The following PARL variants were observed in gnomAD, a reference collection of about 807,000 sequenced individuals.
PARL encodes the protein presenilin associated rhomboid like.
A neutral mutation model predicts 51.6 loss-of-function variants in PARL; 44 were observed. The ratio of observed to expected loss-of-function variants is 0.85; its 90% CI spans 0.67 to 1.10. The LOEUF (loss-of-function observed/expected upper bound fraction) is 1.10. Ranked by LOEUF, PARL falls within the 50% of genes least tolerant of loss-of-function variation. The pLI, the probability that PARL is intolerant of heterozygous loss-of-function variation, is 0.00. For synonymous variants in PARL, 172 were observed against 164.0 expected (o/e 1.05, Z -0.37); for missense variants, 441 against 469.5 (o/e 0.94, Z 0.56).
At chr3:183,840,753 T>C in intron 6 of PARL, 113 bp from the exon 7 acceptor site, 1 of 624,052 alleles carries the variant, frequency 1.6e-6, no homozygotes, top group African/African-American at 1.9e-5. Context: ...TCGCCCCGGC[T>C]GCTGAAGTGC....
chr3:183,875,288 G>A (rs1055665399), intron 1 of PARL, among the ~76,000 whole-genome samples: 16 of 151,954 alleles, frequency 1.1e-4, no homozygotes, highest in African/African-American at 2.2e-4. Flanking sequence ...GGTGGCGGGC[G>A]ACTGTAATCC....
chr3:183,854,509 A>G (rs1273981073), intron 4 of PARL, among the ~76,000 whole-genome samples: 1 of 152,274 alleles, frequency 6.6e-6, no homozygotes, highest in African/African-American at 2.4e-5. Context: ...TTATGATTCT[A>G]CTTGTATGAG....
intron 1 of PARL, among the ~76,000 whole-genome samples, chr3:183,875,624 G>T (rs927620446): frequency 6.6e-6 from 1 of 152,152 alleles, no homozygotes. Context: ...GCAGAGGTTG[G>T]TTCATGAGGT....
intron 4 of PARL, 95 bp downstream of exon 4, chr3:183,862,658 G>T: frequency 1.1e-6 from 1 of 912,994 alleles, no homozygotes; most frequent in Non-Finnish European, 1.8e-6. Flanking sequence ...AACCACTGGT[G>T]AGCATGGTAC....
chr3:183,879,803 G>A (rs1734227350), intron 1 of PARL: 4 of 386,340 alleles, frequency 1.0e-5, no homozygotes, highest in South Asian at 1.1e-4. Flanking sequence ...TGCAACCTTC[G>A]CCTCTAGAGT....
At chr3:183,852,477 T>C (rs1048618252) in intron 4 of PARL, among the ~76,000 whole-genome samples, 1 of 152,158 alleles carries the variant, frequency 6.6e-6, no homozygotes, top group African/African-American at 2.4e-5. Context: ...TAGAATGCGG[T>C]TACTAGTGGC....
intron 1 of PARL, among the ~76,000 whole-genome samples, chr3:183,882,245 T>TATTTA (rs1734576805): frequency 3.4e-5 from 1 of 29,380 alleles, no homozygotes; most frequent in African/African-American, 1.4e-4. Flanking sequence ...ATATATATAT[T>TATTTA]TATATATATA....
intron 1 of PARL, among the ~76,000 whole-genome samples, chr3:183,872,062 C>T (rs1733281265): frequency 1.4e-5 from 2 of 148,126 alleles, no homozygotes; most frequent in East Asian, 2.0e-4. Flanking sequence ...CATGCAATGG[C>T]GTGATCTCAG....
intron 7 of PARL, among the ~76,000 whole-genome samples, chr3:183,839,577 C>T (rs2108602782): frequency 6.6e-6 from 1 of 152,064 alleles, no homozygotes; most frequent in South Asian, 2.1e-4. Context: ...CACAACCACA[C>T]CTGGCTAATT....
intron 7 of PARL, among the ~76,000 whole-genome samples, chr3:183,836,777 G>A (rs1258305191): frequency 3.9e-5 from 6 of 151,962 alleles, no homozygotes; most frequent in Non-Finnish European, 7.4e-5. Context: ...ACAGAGTCTC[G>A]CTATTGCCCA....
At chr3:183,868,176 CA>C in intron 1 of PARL, 116 bp from the exon 2 acceptor site, 9 of 760,554 alleles carry the variant, frequency 1.2e-5, no homozygotes, top group East Asian at 2.7e-5. Flanking sequence ...CTCTACAGTC[CA>C]AAAACAGCCA....
At chr3:183,846,284 G>A (rs573517652) in intron 4 of PARL, among the ~76,000 whole-genome samples, 20 of 152,114 alleles carry the variant, frequency 1.3e-4, no homozygotes, top group Admixed American at 9.2e-4. Context: ...ACCTGAGGTC[G>A]GGAGTTCGAG....
chr3:183,835,834 CA>C (rs1036631986), intron 7 of PARL, among the ~76,000 whole-genome samples: 3 of 150,802 alleles, frequency 2.0e-5, no homozygotes, highest in African/African-American at 7.3e-5. Flanking sequence ...CACTTTATCT[CA>C]AAAAAACCCC....
intron 4 of PARL, among the ~76,000 whole-genome samples, chr3:183,849,572 TAACTTTTCACCTTA>T: frequency 6.6e-6 from 1 of 151,960 alleles, no homozygotes; most frequent in Non-Finnish European, 1.5e-5. Context: ...TTCAATAATC[TAACTTTTCACCTTA>T]AGAAAGTGTA....
intron 7 of PARL, among the ~76,000 whole-genome samples, chr3:183,836,094 G>C (rs1241258731): frequency 6.6e-6 from 1 of 151,378 alleles, no homozygotes; most frequent in Non-Finnish European, 1.5e-5. Context: ...GTGCATGCCT[G>C]TAATCCCAGC....
rs114715002 is a variant in PARL at position 183,878,147 on chromosome 3, C to T, written c.125+6575G>A. Among the ~76,000 whole-genome samples, 787 of 152,304 alleles carry T rather than the reference C, an allele frequency of 5.2e-3. 7 individuals carry two copies. Among genetic ancestry groups the T allele is most frequent in the African/African-American group, 0.018 (732 of 41,552 alleles). On this transcript the variant is annotated intron_variant, in intron 1 of 9. Coordinates refer to ENST00000317096, the MANE Select transcript of PARL (RefSeq NM_018622.7). ...CTGGAGAGTCTCAGATGGCTTCACT[C>T]GTACCTGGAGCCTTAGTGCTGGTTG...
intron 4 of PARL, among the ~76,000 whole-genome samples, chr3:183,845,330 T>A (rs775420021): frequency 8.5e-5 from 13 of 152,186 alleles, no homozygotes; most frequent in Non-Finnish European, 1.6e-4. Flanking sequence ...CTGTCCAGTT[T>A]TTGCTCTCCC....
chr3:183,860,974 TA>T (rs1731760802), intron 4 of PARL, among the ~76,000 whole-genome samples: 1 of 152,058 alleles, frequency 6.6e-6, no homozygotes, highest in African/African-American at 2.4e-5. Context: ...CCACCACGCC[TA>T]AGCTAATTTT....
chr3:183,842,080 C>A (rs1380127339), intron 6 of PARL, among the ~76,000 whole-genome samples: 2 of 152,170 alleles, frequency 1.3e-5, no homozygotes, highest in Non-Finnish European at 2.9e-5. Context: ...ATTAAACATA[C>A]CCACATAATT....
Sources: allele counts gnomAD v4.1 joint callset (sites outside exome capture counted in the v4.1 genomes callset), GRCh38; gene constraint gnomAD v4.1.1; transcripts MANE v1.5; gene names NCBI Gene and HGNC (gene_info 2026-07-23, HGNC 2026-07-21).